Variants in UVRAG observed in about 807,000 individuals in gnomAD.
The protein encoded by UVRAG is UV radiation resistance-associated gene protein.
In UVRAG, 19 loss-of-function variants were observed where a neutral mutation model predicts 78.0. The ratio of observed to expected loss-of-function variants is 0.24; its 90% CI spans 0.17 to 0.36. UVRAG has a LOEUF of 0.36. UVRAG is among the 10% of genes least tolerant of loss of function. UVRAG has a pLI of 1.00. For missense variants in UVRAG, 740 were observed against 853.8 expected, an observed-to-expected ratio of 0.87 and a Z score of 1.66; for synonymous variants, 323 against 324.6, an observed-to-expected ratio of 1.00 and a Z score of 0.05.
chr11:75,828,780 CATATAT>C (rs71036067), intron 1 of UVRAG, among the ~76,000 whole-genome samples: 9,803 of 92,644 alleles, frequency 0.11, 554 homozygotes, highest in African/African-American at 0.2. Flanking sequence ...TATATACACA[CATATAT>C]ATATATATAT....
chr11:75,892,401 T>A, intron 5 of UVRAG: 1 of 985,370 alleles, frequency 1.0e-6, no homozygotes, highest in Non-Finnish European at 1.2e-6. Context: ...AGAGTAAGTG[T>A]TTCCCTCTAA....
intron 6 of UVRAG, among the ~76,000 whole-genome samples, chr11:75,938,382 A>G (rs1565389082): frequency 6.6e-6 from 1 of 152,076 alleles, no homozygotes; most frequent in African/African-American, 2.4e-5. Context: ...GTATTTTCCT[A>G]CTTCTCTGCA....
At chr11:75,874,196 A>G (rs911814456) in intron 3 of UVRAG, among the ~76,000 whole-genome samples, 2 of 152,160 alleles carry the variant, frequency 1.3e-5, no homozygotes, top group African/African-American at 4.8e-5. Flanking sequence ...GAGATATAAA[A>G]TAAGGAAATT....
intron 6 of UVRAG, among the ~76,000 whole-genome samples, chr11:75,952,950 A>G (rs1246848599): frequency 6.6e-6 from 1 of 152,020 alleles, no homozygotes; most frequent in East Asian, 1.9e-4. Context: ...GTGGTTCTTT[A>G]GATTTTCTGT....
chr11:75,981,272 C>T (rs761582926), intron 7 of UVRAG, among the ~76,000 whole-genome samples: 39 of 151,948 alleles, frequency 2.6e-4, no homozygotes, highest in Non-Finnish European at 4.1e-4. Flanking sequence ...CTACCGTGCC[C>T]GGCTAATTTT....
At chr11:75,823,039 A>G (rs1289982699) in intron 1 of UVRAG, among the ~76,000 whole-genome samples, 1 of 152,112 alleles carries the variant, frequency 6.6e-6, no homozygotes, top group African/African-American at 2.4e-5. Context: ...CTCACCTAGG[A>G]AACGCTGAGG....
chr11:75,945,671 G>T (rs2135149849), intron 6 of UVRAG, among the ~76,000 whole-genome samples: 1 of 151,982 alleles, frequency 6.6e-6, no homozygotes, highest in East Asian at 1.9e-4. Context: ...AATATACCAG[G>T]TTTTCATAAT....
intron 14 of UVRAG, among the ~76,000 whole-genome samples, chr11:76,124,164 G>C (rs1317986895): frequency 6.6e-6 from 1 of 152,102 alleles, no homozygotes; most frequent in Non-Finnish European, 1.5e-5. Flanking sequence ...TCATCAAAGT[G>C]GTTTATAAAC....
intron 3 of UVRAG, among the ~76,000 whole-genome samples, chr11:75,875,694 T>A (rs1399924732): frequency 6.6e-6 from 1 of 151,950 alleles, no homozygotes; most frequent in Non-Finnish European, 1.5e-5. Context: ...AAGGTTCTCC[T>A]CTCATCTGTC....
chr11:75,831,486 C>G (rs1945654189), intron 1 of UVRAG, among the ~76,000 whole-genome samples: 2 of 138,922 alleles, frequency 1.4e-5, no homozygotes. Flanking sequence ...GAAACTCCTT[C>G]TCAAAAAACA....
chr11:75,835,251 A>G (rs1363036178), intron 1 of UVRAG: 1 of 152,240 alleles, frequency 6.6e-6, no homozygotes, highest in Non-Finnish European at 1.5e-5. Flanking sequence ...GAAGCGGGAA[A>G]GAGTTGAGCA....
chr11:76,108,516 G>A (rs1952011790), intron 13 of UVRAG, among the ~76,000 whole-genome samples: 1 of 152,150 alleles, frequency 6.6e-6, no homozygotes, highest in Non-Finnish European at 1.5e-5. Context: ...CAAGAGCTGT[G>A]ACGTCATAGT....
chr11:75,954,098 A>G (rs1327250857), intron 6 of UVRAG, among the ~76,000 whole-genome samples: 1 of 152,150 alleles, frequency 6.6e-6, no homozygotes, highest in Non-Finnish European at 1.5e-5. Context: ...AAGTCTAAAT[A>G]CTTCAAACTT....
intron 12 of UVRAG, among the ~76,000 whole-genome samples, chr11:76,064,085 C>T (rs989109625): frequency 3.3e-5 from 5 of 152,208 alleles, no homozygotes; most frequent in African/African-American, 1.2e-4. Flanking sequence ...CCACTGAAGT[C>T]ATAATAAAGT....
chr11:75,875,657 C>T (rs1226767552), intron 3 of UVRAG, among the ~76,000 whole-genome samples: 3 of 149,738 alleles, frequency 2.0e-5, no homozygotes, highest in Non-Finnish European at 4.4e-5. Context: ...ATCTCTGCTG[C>T]ATTCTGTGTA....
At chr11:75,848,441 C>T (rs924814402) in intron 1 of UVRAG, among the ~76,000 whole-genome samples, 8 of 152,076 alleles carry the variant, frequency 5.3e-5, no homozygotes, top group Admixed American at 1.3e-4. Flanking sequence ...TCTGTTTATT[C>T]GCATTAATGG....
At chr11:75,994,014 A>C (rs999229040) in intron 8 of UVRAG, among the ~76,000 whole-genome samples, 7 of 152,190 alleles carry the variant, frequency 4.6e-5, no homozygotes, top group African/African-American at 1.4e-4. Context: ...GCCATTTGTG[A>C]GGGATCCATC....
intron 7 of UVRAG, 63 bp downstream of exon 7, chr11:75,961,612 T>A (rs1948912627): frequency 7.6e-7 from 1 of 1,315,894 alleles, no homozygotes; most frequent in African/African-American, 1.5e-5. Context: ...ATCATATTCT[T>A]CTAGGGTTAA....
chr11:76,037,353 A>G (rs1300756119), intron 12 of UVRAG, among the ~76,000 whole-genome samples: 3 of 152,176 alleles, frequency 2.0e-5, no homozygotes, highest in Non-Finnish European at 2.9e-5. Flanking sequence ...ATACAAAAAA[A>G]GCATTCAATA....
Sources: gnomAD v4.1 joint callset for allele counts (sites outside exome capture counted in the v4.1 genomes callset) on GRCh38, gnomAD v4.1.1 for gene constraint, MANE v1.5 for transcripts, NCBI Gene and HGNC (gene_info 2026-07-23, HGNC 2026-07-21) for gene names.